GALNT17: variants seen among roughly 807,000 people sequenced by gnomAD.
The protein encoded by GALNT17 is UDP-GalNAc:polypeptide N-acetylgalactosaminyltransferase-like 3.
In GALNT17, 29 loss-of-function variants were observed where a neutral mutation model predicts 63.7. The observed-to-expected ratio is 0.46, with a 90% CI of 0.34 to 0.62. GALNT17 has a LOEUF of 0.62. Among genes scored for constraint, GALNT17 ranks in the 20% least tolerant of loss-of-function variants. GALNT17 has a pLI of 0.01. For synonymous variants in GALNT17, 305 were observed against 318.3 expected, an observed-to-expected ratio of 0.96 and a Z score of 0.45; for missense variants, 603 against 799.6, an observed-to-expected ratio of 0.75 and a Z score of 2.97.
intron 1 of GALNT17, among the ~76,000 whole-genome samples, chr7:71,236,082 A>G (rs922905995): frequency 2.4e-4 from 36 of 151,958 alleles, no homozygotes; most frequent in African/African-American, 8.0e-4. Context: ...TTGGGAGGCT[A>G]AAGCAGGAGA....
At chr7:71,265,087 A>C (rs11764577) in intron 1 of GALNT17, among the ~76,000 whole-genome samples, 39,811 of 105,510 alleles carry the variant, frequency 0.38, 8,422 homozygotes, top group Non-Finnish European at 0.46. Context: ...ACCACACGTA[A>C]CCCATAAATA....
rs543698321 is a variant in GALNT17 at position 71,712,224 on chromosome 7, C to T, written c.*78C>T. The T allele has an allele frequency of 1.4e-5, 22 of 1,550,894 alleles. No homozygotes were observed. Among genetic ancestry groups the T allele is most frequent in the African/African-American group, 1.1e-4 (8 of 72,730 alleles). ...CCAACATCTGGACCAGCTGCCCTGG[C>T]GGAGAGACAGCAAGGGGCCGGCAGG... is the stretch of plus-strand genomic sequence containing the variant. On this transcript the variant is annotated 3_prime_UTR_variant, in exon 11 of 11. Coordinates refer to ENST00000333538, the MANE Select transcript of GALNT17 (RefSeq NM_022479.3).
At chr7:71,409,330 A>G (rs536745694) in intron 3 of GALNT17, among the ~76,000 whole-genome samples, 3 of 152,286 alleles carry the variant, frequency 2.0e-5, no homozygotes, top group African/African-American at 7.2e-5. Flanking sequence ...CCCAATATGC[A>G]CTTAGCAGAC....
At chr7:71,420,763 C>T in intron 4 of GALNT17, 145 bp from the exon 5 acceptor site, 1 of 921,676 alleles carries the variant, frequency 1.1e-6, no homozygotes, top group South Asian at 1.5e-5. Context: ...GTGGGCAGGT[C>T]CCTGGGAGCC....
chr7:71,388,847 A>G (rs1240919900), intron 3 of GALNT17, among the ~76,000 whole-genome samples: 3 of 151,954 alleles, frequency 2.0e-5, no homozygotes, highest in African/African-American at 7.2e-5. Flanking sequence ...TTAGAGGAAG[A>G]TATCTAGGCT....
chr7:71,136,263 C>G (rs997838882), intron 1 of GALNT17, among the ~76,000 whole-genome samples: 1 of 152,096 alleles, frequency 6.6e-6, no homozygotes, highest in Non-Finnish European at 1.5e-5. Context: ...TCATTGCTCC[C>G]GAGGGTGGAG....
chr7:71,411,409 C>G (rs933529141), intron 3 of GALNT17, among the ~76,000 whole-genome samples: 1 of 151,916 alleles, frequency 6.6e-6, no homozygotes, highest in Non-Finnish European at 1.5e-5. Flanking sequence ...AATGAGCCAC[C>G]GTGCCTGGCC....
chr7:71,391,811 G>GTTTTATTT (rs1362448964), intron 3 of GALNT17, among the ~76,000 whole-genome samples: 1 of 152,096 alleles, frequency 6.6e-6, no homozygotes, highest in East Asian at 1.9e-4. Flanking sequence ...TAAAAAGAAG[G>GTTTTATTT]TTTTATTTGT....
chr7:71,459,209 G>A (rs561484263), intron 5 of GALNT17, among the ~76,000 whole-genome samples: 2 of 152,200 alleles, frequency 1.3e-5, no homozygotes, highest in East Asian at 1.9e-4. Context: ...TGACTCTGGG[G>A]CTACCACATG....
intron 3 of GALNT17, among the ~76,000 whole-genome samples, chr7:71,392,562 A>G (rs1793069402): frequency 6.6e-6 from 1 of 152,168 alleles, no homozygotes; most frequent in Non-Finnish European, 1.5e-5. Context: ...TGGGGAGCAC[A>G]CTTTGAGAAC....
At chr7:71,421,951 GAAA>G (rs79689052) in intron 5 of GALNT17, among the ~76,000 whole-genome samples, 3 of 87,508 alleles carry the variant, frequency 3.4e-5, no homozygotes, top group Non-Finnish European at 7.0e-5. Flanking sequence ...ACTCTGTCTC[GAAA>G]AAAAAAAAAA....
chr7:71,638,210 A>AG (rs1790555036), intron 6 of GALNT17, among the ~76,000 whole-genome samples: 1 of 152,206 alleles, frequency 6.6e-6, no homozygotes, highest in African/African-American at 2.4e-5. Context: ...GGAAGACCAG[A>AG]GGTCACTCTC....
At chr7:71,394,331 T>C (rs1793101621) in intron 3 of GALNT17, among the ~76,000 whole-genome samples, 1 of 152,082 alleles carries the variant, frequency 6.6e-6, no homozygotes. Context: ...GCCTTTCGCG[T>C]CCATGACCCA....
chr7:71,207,304 T>A (rs1256832735), intron 1 of GALNT17, among the ~76,000 whole-genome samples: 1 of 152,200 alleles, frequency 6.6e-6, no homozygotes. Context: ...TTAAACCATG[T>A]CCCTTCGTTG....
intron 5 of GALNT17, among the ~76,000 whole-genome samples, chr7:71,446,382 AC>A (rs1190553513): frequency 6.6e-6 from 1 of 152,150 alleles, no homozygotes; most frequent in Admixed American, 6.6e-5. Flanking sequence ...GATAACCATA[AC>A]CAATGTTAAT....
At chr7:71,258,937 G>A (rs1381694512) in intron 1 of GALNT17, among the ~76,000 whole-genome samples, 1 of 152,190 alleles carries the variant, frequency 6.6e-6, no homozygotes, top group Non-Finnish European at 1.5e-5. Context: ...ACAAAAGCAT[G>A]GCTTGAAAGC....
At chr7:71,522,747 C>G (rs1345359629) in intron 5 of GALNT17, among the ~76,000 whole-genome samples, 1 of 152,154 alleles carries the variant, frequency 6.6e-6, no homozygotes, top group East Asian at 1.9e-4. Flanking sequence ...AGTGAGGTGG[C>G]AACAGAAACT....
chr7:71,535,951 T>C (rs1425161637), intron 5 of GALNT17, among the ~76,000 whole-genome samples: 2 of 152,200 alleles, frequency 1.3e-5, no homozygotes, highest in Non-Finnish European at 2.9e-5. Context: ...CTCTGTGTAC[T>C]GTAACACTGG....
chr7:71,406,680 G>A (rs1793334302), intron 3 of GALNT17, among the ~76,000 whole-genome samples: 1 of 151,068 alleles, frequency 6.6e-6, no homozygotes, highest in South Asian at 2.1e-4. Flanking sequence ...TATACATTTA[G>A]CTGATTGGTT....
Sources: allele counts gnomAD v4.1 joint callset (sites outside exome capture counted in the v4.1 genomes callset), GRCh38; gene constraint gnomAD v4.1.1; transcripts MANE v1.5; gene names NCBI Gene and HGNC (gene_info 2026-07-23, HGNC 2026-07-21).